PTGR1: variants seen among roughly 807,000 people sequenced by gnomAD.
The protein encoded by PTGR1 is prostaglandin reductase 1.
Under a neutral mutation model 37.7 loss-of-function variants are expected in PTGR1, and 23 were observed. That is an observed-to-expected ratio of 0.61 (90% confidence interval 0.44 to 0.86). PTGR1 has a LOEUF of 0.86. Ranked by LOEUF, PTGR1 falls within the 40% of genes least tolerant of loss-of-function variation. PTGR1 has a pLI of 0.00. For synonymous variants in PTGR1, 134 were observed against 140.0 expected, an observed-to-expected ratio of 0.96 and a Z score of 0.30; for missense variants, 351 against 394.3, an observed-to-expected ratio of 0.89 and a Z score of 0.93.
In PTGR1 at chr9:111,563,092, T is replaced by C. The variant is rs1828382796; in HGVS notation, c.*29A>G. 6.2e-7 allele frequency: 1 copy of C among 1,608,072 alleles called. No individual in the cohort carries two copies. Among genetic ancestry groups the C allele is most frequent in the South Asian group, 1.1e-5 (1 of 90,210 alleles). ...AAAACAAATTAACTAATCATCTAAA[T>C]GGCCTCCAGATTCCATGTGTCCTCT... On this transcript the variant is annotated 3_prime_UTR_variant, in exon 10 of 10. Transcript: ENST00000407693.
chr9:111,578,972 A>G (rs200679346), intron 6 of PTGR1, 21 bp from the exon 7 acceptor site: 437 of 1,567,678 alleles, frequency 2.8e-4, no homozygotes, highest in Non-Finnish European at 3.3e-4. Flanking sequence ...AAAAAAAAAA[A>G]AAGGAAACCA....
Position 111,597,390 on chromosome 9 carries a change from C to T in PTGR1, c.33G>A (p.Lys11=). 1 of 1,613,406 alleles carries T rather than the reference C, an allele frequency of 6.2e-7. No homozygotes were observed. The highest frequency in any genetic ancestry group is 1.1e-5 in the South Asian group (1 of 90,900). ...TATTAGTAGGATAGCCAACAAAGTGCTTCTTCAGGGTCCATGTCTTAGTAC... is the reference window on the plus strand; with the variant it reads ...TATTAGTAGGATAGCCAACAAAGTGTTTCTTCAGGGTCCATGTCTTAGTAC... MVRTKTWTLK[K]HFVGYPTNSD... is the part of the protein sequence containing the mutation. The change falls in exon 2 of 10, where the codon AAG becomes AAA. Residue 11 remains lysine, a synonymous_variant. Transcript: ENST00000407693.
Position 111,574,847 on chromosome 9 carries a change from ACAGAT to A in PTGR1, c.652-10_652-6del. On this transcript the variant is annotated splice_polypyrimidine_tract_variant and splice_region_variant and intron_variant, in intron 7 of 9. Coordinates refer to ENST00000407693, the MANE Select transcript of PTGR1 (RefSeq NM_001146108.2). ...GTTTGAAAACTCTCCACCTACCTAA[ACAGAT>A]AGCAAAGACAAAATGTTAAATAATC... 6.3e-7 allele frequency: 1 copy of A among 1,594,618 alleles called. No individual in the cohort carries two copies. The highest frequency in any genetic ancestry group is 1.1e-5 in the South Asian group (1 of 89,624).
At position 111,551,400 on chromosome 9, in the gene PTGR1, G is replaced by GTTTTTTT. The variant is rs58638722; in HGVS notation, c.880-1608_880-1602dup. The stretch of plus-strand genomic sequence containing the variant: ...TAACTGAATCAAGTATCCAGTTTTT[G>GTTTTTTT]TTTTTTTTTTTTTTTTTTTTTTTTT... On this transcript the variant is annotated intron_variant, in intron 9 of 9. Coordinates refer to the PTGR1 transcript ENST00000538962. Among the ~76,000 whole-genome samples the GTTTTTTT allele has an allele frequency of 4.4e-3, 327 of 74,458 alleles. 1 individual carries two copies. Among genetic ancestry groups the GTTTTTTT allele is most frequent in the Non-Finnish European group, 6.0e-3 (239 of 39,940 alleles). The allele number at this position is 74,458 out of a possible 152,430, so 48.8% of individuals were successfully genotyped here.
At chr9:111,575,343 T>G (rs1392658808) in intron 7 of PTGR1, 1 of 152,670 alleles carries the variant, frequency 6.6e-6, no homozygotes, top group Non-Finnish European at 1.5e-5. Context: ...TTTCATTTGA[T>G]TCTAAGACCA....
At position 111,570,076 on chromosome 9, in the gene PTGR1, T is replaced by C; in HGVS notation, c.879+15A>G. ...CTAGTGTACAATTGGAAGGGGTGGC[T>C]CCGGAGCTCCTTACCTCTAAGACCC... On this transcript the variant is annotated intron_variant, in intron 9 of 9. Coordinates refer to ENST00000407693, the MANE Select transcript of PTGR1 (RefSeq NM_001146108.2). 6.2e-7 allele frequency: 1 copy of C among 1,613,900 alleles called. No individual in the cohort carries two copies. The highest frequency in any genetic ancestry group is 8.5e-7 in the Non-Finnish European group (1 of 1,179,932).
downstream of PTGR1, among the ~76,000 whole-genome samples, chr9:111,559,385 A>G (rs1828210677): frequency 6.6e-6 from 1 of 151,328 alleles, no homozygotes; most frequent in African/African-American, 2.4e-5. Flanking sequence ...TTCTCACCCT[A>G]CTTGGACTCT....
Position 111,580,315 on chromosome 9 carries a change from A to G in PTGR1, c.496-1364T>C, listed in dbSNP as rs540635019. Reference sequence around the variant, plus strand: ...ATACTTTTTTCCTTGCTTCTTACTTATTTCTTTTCTATCCACTATTATAAG... The same window carrying G: ...ATACTTTTTTCCTTGCTTCTTACTTGTTTCTTTTCTATCCACTATTATAAG... On this transcript the variant is annotated intron_variant, in intron 6 of 9. Coordinates refer to ENST00000407693, the MANE Select transcript of PTGR1 (RefSeq NM_001146108.2). Among the ~76,000 whole-genome samples the G allele has an allele frequency of 7.8e-4, 118 of 152,096 alleles. 1 individual carries two copies. The highest frequency in any genetic ancestry group is 3.4e-3 in the Middle Eastern group (1 of 294).
At chr9:111,556,538 C>T (rs1214571169) in intron 9 of PTGR1, among the ~76,000 whole-genome samples, 6 of 152,254 alleles carry the variant, frequency 3.9e-5, no homozygotes, top group Admixed American at 3.3e-4. Context: ...TCTCTGAAAT[C>T]TAGGCAGAGA....
chr9:111,591,247 A>G (rs775559998), intron 4 of PTGR1, among the ~76,000 whole-genome samples: 9 of 151,898 alleles, frequency 5.9e-5, no homozygotes, highest in Non-Finnish European at 1.2e-4. Context: ...CGGTGAGCCA[A>G]GATTACGCCA....
chr9:111,583,936 T>C (rs1225142582), intron 5 of PTGR1, among the ~76,000 whole-genome samples: 1 of 152,176 alleles, frequency 6.6e-6, no homozygotes, highest in African/African-American at 2.4e-5. Context: ...ATAAGTTCTA[T>C]GTAGATGATG....
At chr9:111,569,787 A>T (rs1450249495) in intron 9 of PTGR1, 2 of 363,164 alleles carry the variant, frequency 5.5e-6, no homozygotes, top group African/African-American at 2.1e-5. Context: ...GGTTTAAGGA[A>T]GAATGGAAAG....
intron 9 of PTGR1, among the ~76,000 whole-genome samples, chr9:111,554,565 G>GTT (rs558612062): frequency 1.7e-3 from 262 of 152,258 alleles, no homozygotes; most frequent in African/African-American, 6.0e-3. Context: ...TATGTTCTAT[G>GTT]TTTTGTCAGT....
At chr9:111,569,955 C>CT (rs558728551) in intron 9 of PTGR1, 136 bp downstream of exon 9, 32 of 1,383,370 alleles carry the variant, frequency 2.3e-5, no homozygotes, top group Non-Finnish European at 3.2e-5. Flanking sequence ...TATTTATACT[C>CT]TAAGCACAAT....
intron 9 of PTGR1, among the ~76,000 whole-genome samples, chr9:111,565,876 A>G (rs1828539742): frequency 6.6e-6 from 1 of 152,108 alleles, no homozygotes; most frequent in South Asian, 2.1e-4. Context: ...GAATGAGATT[A>G]AAAAGGGAGT....
chr9:111,596,926 CAAAAAAA>C (rs71494900), intron 2 of PTGR1, among the ~76,000 whole-genome samples: 31 of 90,656 alleles, frequency 3.4e-4, no homozygotes, highest in African/African-American at 1.3e-3. Context: ...GACTCTGTCT[CAAAAAAA>C]AAAAAAAAAA....
At chr9:111,579,976 A>T (rs1222121353) in intron 6 of PTGR1, among the ~76,000 whole-genome samples, 2 of 152,210 alleles carry the variant, frequency 1.3e-5, no homozygotes, top group Admixed American at 1.3e-4. Context: ...CCCCAGTTGG[A>T]TTTACATGAA....
intron 2 of PTGR1, among the ~76,000 whole-genome samples, chr9:111,595,624 G>T (rs1829757258): frequency 6.6e-6 from 1 of 152,030 alleles, no homozygotes; most frequent in Admixed American, 6.6e-5. Flanking sequence ...ACTCCTTAGA[G>T]ACTCATCTTT....
At chr9:111,555,257 G>A (rs908481212) in intron 9 of PTGR1, among the ~76,000 whole-genome samples, 3 of 152,152 alleles carry the variant, frequency 2.0e-5, no homozygotes, top group African/African-American at 7.2e-5. Context: ...GAATTGTGGT[G>A]AATTGATAAT....
Sources: gnomAD v4.1 joint callset for allele counts (sites outside exome capture counted in the v4.1 genomes callset) on GRCh38, gnomAD v4.1.1 for gene constraint, MANE v1.5 for transcripts, NCBI Gene and HGNC (gene_info 2026-07-23, HGNC 2026-07-21) for gene names.